Variants in LGALS1 observed in about 807,000 individuals in gnomAD.
LGALS1 encodes the protein galectin-1.
LGALS1 carries 14 observed loss-of-function variants against 14.4 expected under a neutral mutation model. That is an observed-to-expected ratio of 0.97 (90% confidence interval 0.64 to 1.52). The LOEUF is 1.52. Among genes scored for constraint, LGALS1 ranks in the 40% most tolerant of loss-of-function variants. The pLI is 0.00. For synonymous variants in LGALS1, 71 were observed against 73.4 expected (o/e 0.97, Z 0.17); for missense variants, 170 against 181.4 (o/e 0.94, Z 0.36).
At chr22:37,678,401 A>T in intron 2 of LGALS1, 82 bp from the exon 3 acceptor site, 1 of 1,491,774 alleles carries the variant, frequency 6.7e-7, no homozygotes, top group South Asian at 1.2e-5. Context: ...AGGTGCGTTC[A>T]TGGGATACTG....
intron 1 of LGALS1, among the ~76,000 whole-genome samples, chr22:37,676,615 G>A (rs1363609573): frequency 6.6e-6 from 1 of 152,014 alleles, no homozygotes; most frequent in Non-Finnish European, 1.5e-5. Flanking sequence ...TCAGTGTGAC[G>A]GTGGGCCAAG....
At chr22:37,678,312 G>A in intron 2 of LGALS1, 171 bp from the exon 3 acceptor site, 1 of 748,770 alleles carries the variant, frequency 1.3e-6, no homozygotes, top group Admixed American at 2.0e-5. Context: ...GAGCAAACAG[G>A]GGAAGAGGGG....
intron 3 of LGALS1, among the ~76,000 whole-genome samples, chr22:37,679,263 C>A (rs902781169): frequency 6.6e-6 from 1 of 151,426 alleles, no homozygotes; most frequent in Non-Finnish European, 1.5e-5. Context: ...GAAACCCCGT[C>A]TCTATATAAA....
intron 2 of LGALS1, 60 bp downstream of exon 2, chr22:37,677,125 G>A (rs1921458121): frequency 2.0e-6 from 3 of 1,530,942 alleles, no homozygotes; most frequent in South Asian, 2.3e-5. Context: ...CAGGGAGGGC[G>A]TGGCCGGCCA....
chr22:37,679,630 C>A lies in LGALS1; in HGVS notation c.289C>A (p.Leu97Met), dbSNP rs143963392. 1.2e-5 allele frequency: 19 copies of A among 1,609,132 alleles called. No homozygotes were observed. The African/African-American group carries it at 2.3e-4, about 19-fold the overall frequency. ...GTGCATCACCTTCGACCAGGCCAAC[C>A]TGACCGTCAAGCTGCCAGATGGATA... ...EVCITFDQAN[L>M]TVKLPDGYEF... The change falls in exon 4 of 4, where the codon CTG becomes ATG. Residue 97 changes from leucine (L) to methionine (M), a missense_variant. Transcript: ENST00000215909.
chr22:37,677,218 A>T, intron 2 of LGALS1, 153 bp downstream of exon 2: 1 of 736,582 alleles, frequency 1.4e-6, no homozygotes, highest in South Asian at 1.7e-5. Context: ...CTTCCCCCGC[A>T]GGGTCTGGGC....
Position 37,679,659 on chromosome 22 carries a change from A to G in LGALS1, c.318A>G (p.Glu106=), listed in dbSNP as rs1601602857. The G allele has an allele frequency of 6.2e-7, 1 of 1,610,646 alleles. No homozygotes were observed. Among genetic ancestry groups the G allele is most frequent in the Non-Finnish European group, 8.5e-7 (1 of 1,178,862 alleles). ...CCGTCAAGCTGCCAGATGGATACGA[A>G]TTCAAGTTCCCCAACCGCCTCAACC... ...NLTVKLPDGY[E]FKFPNRLNLE... is the part of the protein sequence containing the mutation. The change falls in exon 4 of 4, where the codon GAA becomes GAG. Residue 106 remains glutamate, a synonymous_variant. Coordinates refer to ENST00000215909, the MANE Select transcript of LGALS1 (RefSeq NM_002305.4).
chr22:37,676,575 C>T (rs1027785095), intron 1 of LGALS1, among the ~76,000 whole-genome samples: 21 of 152,054 alleles, frequency 1.4e-4, no homozygotes, highest in Admixed American at 7.2e-4. Context: ...CTAGCCACTT[C>T]CTCTCCAGCA....
chr22:37,676,890 G>T (rs770652286), intron 1 of LGALS1, 96 bp from the exon 2 acceptor site: 9 of 1,259,654 alleles, frequency 7.1e-6, no homozygotes, highest in Non-Finnish European at 9.2e-6. Flanking sequence ...ATGCCGGGCG[G>T]GAACAACCCC....
At chr22:37,679,366 GGTT>G (rs1921553771) in intron 3 of LGALS1, among the ~76,000 whole-genome samples, 1 of 151,740 alleles carries the variant, frequency 6.6e-6, no homozygotes. Context: ...GGGAGGCGGA[GGTT>G]GCAGTGAGCC....
intron 2 of LGALS1, among the ~76,000 whole-genome samples, chr22:37,678,113 GC>G (rs544646697): frequency 2.6e-4 from 40 of 152,170 alleles, no homozygotes; most frequent in Non-Finnish European, 5.1e-4. Flanking sequence ...TTGTTAATTC[GC>G]CCCATAATTA....
At chr22:37,679,452 T>G in intron 3 of LGALS1, 151 bp from the exon 4 acceptor site, 2 of 559,644 alleles carry the variant, frequency 3.6e-6, no homozygotes, top group South Asian at 5.5e-5. Flanking sequence ...AAATCTATCA[T>G]AGGATTAGAG....
At position 37,678,616 on chromosome 22, in the gene LGALS1, GAGGCTGTCTTTCCCTTCCAGCCTGGA is replaced by G; in HGVS notation, c.226_251del (p.Ala76CysfsTer40). The stretch of plus-strand genomic sequence containing the variant: ...CGGGGCCTGGGGGACCGAGCAGCGG[GAGGCTGTCTTTCCCTTCCAGCCTGGA>G]AGTGTTGCAGAGGTGGGCTGCAGAC... On this transcript the variant is annotated frameshift_variant, in exon 3 of 4. Transcript: ENST00000215909. LOFTEE classifies it high-confidence loss of function. 1 of 1,610,354 alleles carries G rather than the reference GAGGCTGTCTTTCCCTTCCAGCCTGGA, an allele frequency of 6.2e-7. No individual in the cohort carries two copies. Among genetic ancestry groups the G allele is most frequent in the Non-Finnish European group, 8.5e-7 (1 of 1,178,366 alleles).
At chr22:37,675,765 C>T (rs1601601160) in intron 1 of LGALS1, 54 bp downstream of exon 1, 3 of 1,452,048 alleles carry the variant, frequency 2.1e-6, no homozygotes, top group South Asian at 1.4e-5. Context: ...GAACTGATGG[C>T]CAGAGGAGAG....
chr22:37,677,161 A>G, intron 2 of LGALS1, 96 bp downstream of exon 2: 1 of 1,266,652 alleles, frequency 7.9e-7, no homozygotes, highest in South Asian at 1.3e-5. Context: ...CCTGGCCGGG[A>G]GCGGGTTAAC....
At position 37,679,759 on chromosome 22, in the gene LGALS1, G is replaced by A. The variant is rs748204054; in HGVS notation, c.*10G>A. 1.1e-5 allele frequency: 18 copies of A among 1,576,378 alleles called. No individual in the cohort carries two copies. The highest frequency in any genetic ancestry group is 1.6e-5 in the Non-Finnish European group (18 of 1,158,424). On this transcript the variant is annotated 3_prime_UTR_variant, in exon 4 of 4. Coordinates refer to ENST00000215909, the MANE Select transcript of LGALS1 (RefSeq NM_002305.4). ...TGTGGCCTTTGACTGAAATCAGCCA[G>A]CCCATGGCCCCCAATAAAGGCAGCT...
At position 37,676,973 on chromosome 22, in the gene LGALS1, C is replaced by T. The variant is rs780972656; in HGVS notation, c.10-13C>T. The T allele has an allele frequency of 1.9e-6, 3 of 1,613,992 alleles. No homozygotes were observed. Among genetic ancestry groups the T allele is most frequent in the Non-Finnish European group, 2.5e-6 (3 of 1,179,990 alleles). On this transcript the variant is annotated splice_polypyrimidine_tract_variant and intron_variant, in intron 1 of 3. Transcript: ENST00000215909. ...GTCCTCTAACCCGGCTGGGCCGGGG[C>T]TTGTCTGTGCAGGGTCTGGTCGCCA...
Position 37,675,650 on chromosome 22 carries a change from G to T in LGALS1, c.-53G>T. ...TCCGGGGGCCCATCTCTCTCGGGTGGAGTCTTCTGACAGCTGGTGCGCCTG... is the reference window on the plus strand; with the variant it reads ...TCCGGGGGCCCATCTCTCTCGGGTGTAGTCTTCTGACAGCTGGTGCGCCTG... On this transcript the variant is annotated 5_prime_UTR_variant, in exon 1 of 4. Transcript: ENST00000215909. 3 of 1,545,770 alleles carry T rather than the reference G, an allele frequency of 1.9e-6. No homozygotes were observed. In the Admixed American group the frequency reaches 5.9e-5, roughly 31 times the overall value.
At chr22:37,679,230 G>A (rs561499779) in intron 3 of LGALS1, among the ~76,000 whole-genome samples, 100 of 151,524 alleles carry the variant, frequency 6.6e-4, no homozygotes, top group African/African-American at 2.2e-3. Flanking sequence ...TCAGGAGTTC[G>A]AGACCAGCCT....
Sources: allele counts gnomAD v4.1 joint callset (sites outside exome capture counted in the v4.1 genomes callset), GRCh38; gene constraint gnomAD v4.1.1; transcripts MANE v1.5; gene names NCBI Gene and HGNC (gene_info 2026-07-23, HGNC 2026-07-21).